TCF20: variants seen among roughly 807,000 people sequenced by gnomAD.
TCF20 encodes the protein transcription factor 20.
In TCF20, 3 loss-of-function variants were observed where a neutral mutation model predicts 148.6. The observed-to-expected ratio is 0.02, with a 90% CI of 0.01 to 0.05. TCF20 has a LOEUF of 0.05. TCF20 is among the 10% of genes least tolerant of loss of function. The probability of loss-of-function intolerance (pLI) is 1.00; values close to 1 mark genes in which losing one functional copy is unlikely to be tolerated. For missense variants in TCF20, 2,350 were observed against 2,429.3 expected, an observed-to-expected ratio of 0.97 and a Z score of 0.69; for synonymous variants, 1,049 against 909.5, an observed-to-expected ratio of 1.15 and a Z score of -2.76.
intron 2 of TCF20, among the ~76,000 whole-genome samples, chr22:42,182,994 C>T (rs1157751477): frequency 6.6e-6 from 1 of 152,232 alleles, no homozygotes; most frequent in Non-Finnish European, 1.5e-5. Flanking sequence ...GCCTTGGCTT[C>T]CCAAAGTGCT....
rs200992325 is a variant in TCF20, at chr22:42,313,600, T to TC, written c.-37+29878_-37+29879insG. Among the ~76,000 whole-genome samples, 871 of 147,586 alleles carry TC rather than the reference T, an allele frequency of 5.9e-3. 11 individuals are homozygous for TC. Among genetic ancestry groups the TC allele is most frequent in the African/African-American group, 0.019 (775 of 40,056 alleles). ...TGCAGCCTCAACAGAATTCTTTCTT[T>TC]TTTTTTTTTTTTTTTTTGAGACAGA... On this transcript the variant is annotated intron_variant, in intron 1 of 1. Transcript: ENST00000515426.
At chr22:42,225,386 G>A (rs368800608) in intron 1 of TCF20, among the ~76,000 whole-genome samples, 8 of 151,124 alleles carry the variant, frequency 5.3e-5, no homozygotes, top group East Asian at 4.0e-4. Context: ...AGGCCGAGGC[G>A]GGTGGATCAT....
chr22:42,238,898 A>T (rs1924123613), intron 1 of TCF20, among the ~76,000 whole-genome samples: 1 of 151,608 alleles, frequency 6.6e-6, no homozygotes, highest in Admixed American at 6.6e-5. Flanking sequence ...TGGGTGGATC[A>T]TGAGGTCAGG....
At chr22:42,271,726 C>T (rs1307668387), upstream of TCF20, among the ~76,000 whole-genome samples, 1 of 152,164 alleles carries the variant, frequency 6.6e-6, no homozygotes, top group Non-Finnish European at 1.5e-5. Flanking sequence ...AAATTAGGCT[C>T]CCATCTGTCC....
intron 2 of TCF20, among the ~76,000 whole-genome samples, chr22:42,197,979 A>G (rs952724851): frequency 7.9e-5 from 12 of 152,200 alleles, no homozygotes; most frequent in Admixed American, 2.0e-4. Flanking sequence ...ATCAAAAACC[A>G]TAACAATGTT....
chr22:42,167,755 T>C (rs995526491), intron 5 of TCF20, among the ~76,000 whole-genome samples: 34 of 152,310 alleles, frequency 2.2e-4, no homozygotes, highest in African/African-American at 7.0e-4. Context: ...AGGGTCTCAC[T>C]GTGGCCCAGG....
In TCF20 at chr22:42,214,700, T is replaced by C. The variant is rs1395970477; in HGVS notation, c.606A>G (p.Ala202=). 3 of 1,614,146 alleles carry C rather than the reference T, an allele frequency of 1.9e-6. No individual in the cohort carries two copies. The highest frequency in any genetic ancestry group is 3.3e-5 in the Admixed American group (2 of 60,014). The stretch of plus-strand genomic sequence containing the variant: ...TTGGCTGTAGATGGGATGAGCTGGA[T>C]GCTGGTTGGCCAGTGGCCTGTGGCA... ...QPLPQATGQP[A]SSSSHLQPMQ... Residue 202 remains alanine (A), a synonymous_variant, in exon 2 of 6, where the codon GCA becomes GCG. Coordinates refer to ENST00000677622, the MANE Select transcript of TCF20 (RefSeq NM_001378418.1).
intron 3 of TCF20, among the ~76,000 whole-genome samples, chr22:42,174,869 A>G (rs1936348994): frequency 6.6e-6 from 1 of 152,054 alleles, no homozygotes; most frequent in Non-Finnish European, 1.5e-5. Context: ...CCCCGTCTCT[A>G]CTAAAAACAG....
intron 1 of TCF20, among the ~76,000 whole-genome samples, chr22:42,291,250 T>C (rs1472908968): frequency 6.6e-6 from 1 of 152,210 alleles, no homozygotes; most frequent in African/African-American, 2.4e-5. Flanking sequence ...GCTCACAGTC[T>C]GGTGGAAAGG....
At chr22:42,220,301 G>A (rs907543410) in intron 1 of TCF20, among the ~76,000 whole-genome samples, 3 of 152,090 alleles carry the variant, frequency 2.0e-5, no homozygotes, top group Non-Finnish European at 4.4e-5. Context: ...CCAAGTAGCT[G>A]GGACCACAGG....
At chr22:42,243,662 A>T (rs1034440358) in intron 1 of TCF20, among the ~76,000 whole-genome samples, 26 of 152,118 alleles carry the variant, frequency 1.7e-4, no homozygotes, top group African/African-American at 5.3e-4. Context: ...AAATATCAAT[A>T]CTGTATATCA....
chr22:42,323,914 GTGA>G lies in TCF20; in HGVS notation c.-37+19562_-37+19564del, dbSNP rs1470542090. The stretch of plus-strand genomic sequence containing the variant: ...GGTTATGGTGGTGGAGGTGGTGGTG[GTGA>G]TGGAGGTTATGGTGGTGGTGGTGGT... On this transcript the variant is annotated intron_variant, in intron 1 of 1. Transcript: ENST00000515426. Among the ~76,000 whole-genome samples the G allele has an allele frequency of 1.2e-3, 157 of 128,596 alleles. 9 individuals are homozygous for G. Among genetic ancestry groups the G allele is most frequent in the Middle Eastern group, 4.1e-3 (1 of 246 alleles). The allele number at this position is 128,596 out of a possible 152,430, so 84.4% of individuals were successfully genotyped here.
At chr22:42,172,367 C>A (rs1322694471) in intron 3 of TCF20, among the ~76,000 whole-genome samples, 1 of 152,226 alleles carries the variant, frequency 6.6e-6, no homozygotes, top group Non-Finnish European at 1.5e-5. Context: ...GGCAACTGCA[C>A]CTACATGGCC....
chr22:42,211,049 T>C lies in TCF20; in HGVS notation c.4257A>G (p.Pro1419=). 3 of 1,614,196 alleles carry C rather than the reference T, an allele frequency of 1.9e-6. No homozygotes were observed. Among genetic ancestry groups the C allele is most frequent in the African/African-American group, 1.3e-5 (1 of 75,038 alleles). The part of the protein sequence containing the change: ...KGEVASDLVS[P]ANQELHVEKP... Reference sequence around the variant, plus strand: ...TCTCTACGTGCAACTCCTGGTTTGCTGGACTGACTAGGTCCGAAGCCACCT... The same window carrying C: ...TCTCTACGTGCAACTCCTGGTTTGCCGGACTGACTAGGTCCGAAGCCACCT... The change falls in exon 2 of 6, where the codon CCA becomes CCG. Residue 1419 remains proline (P), a synonymous_variant. Coordinates refer to ENST00000677622, the MANE Select transcript of TCF20 (RefSeq NM_001378418.1).
chr22:42,298,838 C>A (rs1295103035), intron 1 of TCF20, among the ~76,000 whole-genome samples: 2 of 152,248 alleles, frequency 1.3e-5, no homozygotes, highest in South Asian at 4.1e-4. Context: ...GTCCCCTCCC[C>A]ACCAGGCCTT....
At chr22:42,216,054 G>A (rs1381394531) in intron 1 of TCF20, among the ~76,000 whole-genome samples, 2 of 143,732 alleles carry the variant, frequency 1.4e-5, no homozygotes, top group Non-Finnish European at 3.0e-5. Context: ...CGGGGGAGGG[G>A]GTGTGGGGTA....
chr22:42,238,827 G>A (rs1279579291), intron 1 of TCF20, among the ~76,000 whole-genome samples: 1 of 152,178 alleles, frequency 6.6e-6, no homozygotes, highest in Non-Finnish European at 1.5e-5. Flanking sequence ...AATTACAAAA[G>A]TAACATCAGG....
chr22:42,173,052 A>G (rs1299154979), intron 3 of TCF20, among the ~76,000 whole-genome samples: 2 of 152,080 alleles, frequency 1.3e-5, no homozygotes, highest in Admixed American at 6.5e-5. Context: ...CAGCAGAGAT[A>G]GCAGCTTTAA....
chr22:42,222,560 A>G (rs538594029), intron 1 of TCF20, among the ~76,000 whole-genome samples: 1 of 152,006 alleles, frequency 6.6e-6, no homozygotes, highest in East Asian at 1.9e-4. Flanking sequence ...CCTCTCAAAC[A>G]AGCCTGCTCA....
Sources: allele counts gnomAD v4.1 joint callset (sites outside exome capture counted in the v4.1 genomes callset), GRCh38; gene constraint gnomAD v4.1.1; transcripts MANE v1.5; gene names NCBI Gene and HGNC (gene_info 2026-07-23, HGNC 2026-07-21).